ELOVL6: variants seen among roughly 807,000 people sequenced by gnomAD.
ELOVL6 encodes ELOVL fatty acid elongase 6.
In ELOVL6, 8 loss-of-function variants were observed where a neutral mutation model predicts 31.7. The ratio of observed to expected loss-of-function variants is 0.25; its 90% CI spans 0.15 to 0.45. The LOEUF is 0.45. Ranked by LOEUF, ELOVL6 falls within the 20% of genes least tolerant of loss-of-function variation. ELOVL6 has a pLI of 1.00. For missense variants in ELOVL6, 126 were observed against 326.4 expected, an observed-to-expected ratio of 0.39 and a Z score of 4.73; for synonymous variants, 101 against 117.7, an observed-to-expected ratio of 0.86 and a Z score of 0.92.
At chr4:110,090,600 C>CTTTTTTG (rs1553956743) in intron 2 of ELOVL6, among the ~76,000 whole-genome samples, 1 of 103,712 alleles carries the variant, frequency 9.6e-6, no homozygotes, top group Non-Finnish European at 1.8e-5. Context: ...GTTTGACTTT[C>CTTTTTTG]TTTTTTTTTT....
At chr4:110,144,959 C>T (rs1417329011) in intron 1 of ELOVL6, among the ~76,000 whole-genome samples, 2 of 152,048 alleles carry the variant, frequency 1.3e-5, no homozygotes, top group African/African-American at 4.8e-5. Flanking sequence ...GATTTGTACT[C>T]TCCTTTTTGG....
At chr4:110,165,393 T>A (rs1208872828) in intron 1 of ELOVL6, among the ~76,000 whole-genome samples, 1 of 152,164 alleles carries the variant, frequency 6.6e-6, no homozygotes, top group Non-Finnish European at 1.5e-5. Flanking sequence ...GCTTCCAAGC[T>A]TCCAATCGAC....
chr4:110,154,660 C>T (rs558819683), intron 1 of ELOVL6, among the ~76,000 whole-genome samples: 2 of 152,300 alleles, frequency 1.3e-5, no homozygotes, highest in African/African-American at 4.8e-5. Context: ...ATTTTTTGAG[C>T]TATTTCTGTC....
At chr4:110,061,807 C>T (rs186490236) in intron 2 of ELOVL6, among the ~76,000 whole-genome samples, 4 of 152,006 alleles carry the variant, frequency 2.6e-5, no homozygotes, top group Non-Finnish European at 5.9e-5. Context: ...CCACCTGCCT[C>T]GGCCTCCCAA....
intron 2 of ELOVL6, among the ~76,000 whole-genome samples, chr4:110,070,317 T>G (rs1386443696): frequency 6.6e-6 from 1 of 152,190 alleles, no homozygotes; most frequent in Admixed American, 6.5e-5. Flanking sequence ...GATGCTTATA[T>G]GAACCAAAAA....
chr4:110,191,366 A>G (rs1210418854), intron 1 of ELOVL6, among the ~76,000 whole-genome samples: 1 of 152,210 alleles, frequency 6.6e-6, no homozygotes, highest in African/African-American at 2.4e-5. Context: ...CAGAAATGAC[A>G]TATGTGGTAC....
chr4:110,075,406 T>C (rs1168798391), intron 2 of ELOVL6, among the ~76,000 whole-genome samples: 3 of 152,156 alleles, frequency 2.0e-5, no homozygotes, highest in African/African-American at 7.2e-5. Flanking sequence ...AAAAATGTGG[T>C]ATATATACAA....
At chr4:110,127,362 G>A (rs1196123140) in intron 1 of ELOVL6, among the ~76,000 whole-genome samples, 6 of 130,684 alleles carry the variant, frequency 4.6e-5, no homozygotes, top group South Asian at 5.1e-4. Flanking sequence ...AGCCGAGATC[G>A]TGCCATTGCA....
At chr4:110,138,946 T>C (rs986985561) in intron 1 of ELOVL6, among the ~76,000 whole-genome samples, 1 of 152,172 alleles carries the variant, frequency 6.6e-6, no homozygotes, top group Non-Finnish European at 1.5e-5. Flanking sequence ...AAAATTATTA[T>C]ATATAATTTT....
rs1315210977 is a variant in ELOVL6, at chr4:110,145,760, T to C, written c.90-40132A>G. 1.5e-4 allele frequency among the ~76,000 whole-genome samples: 23 copies of C among 151,488 alleles called. 1 individual carries two copies. The highest frequency in any genetic ancestry group is 1.5e-3 in the Admixed American group (23 of 15,218). On this transcript the variant is annotated intron_variant, in intron 1 of 3. Transcript: ENST00000302274. ...CAAAATATGTCACTCCTAGAAATAT[T>C]GTGATGTTAAGAAATAATGAAGAAA...
At chr4:110,187,810 A>G (rs1759493661) in intron 1 of ELOVL6, among the ~76,000 whole-genome samples, 1 of 152,208 alleles carries the variant, frequency 6.6e-6, no homozygotes, top group Admixed American at 6.5e-5. Context: ...GGTCTAAGGC[A>G]TACTAAAAAA....
chr4:110,173,049 T>C (rs1464651455), intron 1 of ELOVL6, among the ~76,000 whole-genome samples: 1 of 152,200 alleles, frequency 6.6e-6, no homozygotes, highest in East Asian at 1.9e-4. Flanking sequence ...CACAGGTTTG[T>C]GTAATAAAGA....
intron 1 of ELOVL6, among the ~76,000 whole-genome samples, chr4:110,194,956 G>A (rs963078415): frequency 6.6e-6 from 1 of 152,174 alleles, no homozygotes; most frequent in Non-Finnish European, 1.5e-5. Flanking sequence ...CCAAAAGACA[G>A]AGTAGAAGCT....
At chr4:110,166,642 T>C (rs1758787651) in intron 1 of ELOVL6, among the ~76,000 whole-genome samples, 1 of 152,166 alleles carries the variant, frequency 6.6e-6, no homozygotes, top group Non-Finnish European at 1.5e-5. Flanking sequence ...GTTTCCACTT[T>C]TGCCCTTGCT....
At chr4:110,081,016 C>A (rs56177130) in intron 2 of ELOVL6, among the ~76,000 whole-genome samples, 1 of 151,716 alleles carries the variant, frequency 6.6e-6, no homozygotes, top group Non-Finnish European at 1.5e-5. Flanking sequence ...GATAAAATAC[C>A]TAGGAATCCA....
chr4:110,056,121 C>CG (rs1754974037), intron 3 of ELOVL6, among the ~76,000 whole-genome samples: 3 of 81,374 alleles, frequency 3.7e-5, no homozygotes, highest in African/African-American at 7.5e-5. Flanking sequence ...TTTGTGGGAG[C>CG]TGGGGGGGGG....
intron 1 of ELOVL6, among the ~76,000 whole-genome samples, chr4:110,158,908 G>A (rs1758553383): frequency 6.6e-6 from 1 of 151,892 alleles, no homozygotes; most frequent in African/African-American, 2.4e-5. Context: ...TGATCCGCCT[G>A]CCTTGGCCTC....
intron 1 of ELOVL6, 76 bp from the exon 2 acceptor site, chr4:110,105,704 T>C: frequency 7.3e-7 from 1 of 1,370,176 alleles, no homozygotes; most frequent in Non-Finnish European, 1.0e-6. Flanking sequence ...AGTTCTCCTC[T>C]TTGTAAGCAC....
chr4:110,067,267 T>C (rs1490704854), intron 2 of ELOVL6, among the ~76,000 whole-genome samples: 1 of 152,204 alleles, frequency 6.6e-6, no homozygotes, highest in Non-Finnish European at 1.5e-5. Context: ...TTAAATCAGA[T>C]ACCTCCATTA....
Sources: gnomAD v4.1 joint callset for allele counts (sites outside exome capture counted in the v4.1 genomes callset) on GRCh38, gnomAD v4.1.1 for gene constraint, MANE v1.5 for transcripts, NCBI Gene and HGNC (gene_info 2026-07-23, HGNC 2026-07-21) for gene names.